HDAC9: variants seen among roughly 807,000 people sequenced by gnomAD.
HDAC9 encodes the protein MEF-2 interacting transcription repressor (MITR) protein.
A neutral mutation model predicts 139.4 loss-of-function variants in HDAC9; 41 were observed. The ratio of observed to expected loss-of-function variants is 0.29; its 90% confidence interval spans 0.23 to 0.38. HDAC9 has a LOEUF of 0.38. HDAC9 is among the 10% of genes least tolerant of loss of function. HDAC9 has a pLI of 1.00. For synonymous variants in HDAC9, 517 were observed against 476.2 expected, an observed-to-expected ratio of 1.09 and a Z score of -1.12; for missense variants, 1,147 against 1,297.0, an observed-to-expected ratio of 0.88 and a Z score of 1.78.
At chr7:18,764,618 ATTG>A (rs1179682893) in intron 15 of HDAC9, among the ~76,000 whole-genome samples, 12 of 151,258 alleles carry the variant, frequency 7.9e-5, no homozygotes, top group African/African-American at 2.4e-5. Flanking sequence ...GGCTTTTTTT[ATTG>A]TTGTTGTTGT....
rs371095806 is a variant in HDAC9 at position 18,644,806 on chromosome 7, A to G, written c.1035+13A>G. Reference sequence around the variant, plus strand: ...ATCCCAGCTCAATGTAAGTCATTGCACAGCATCAGCCTTAATCAACCTAAG... The same window carrying G: ...ATCCCAGCTCAATGTAAGTCATTGCGCAGCATCAGCCTTAATCAACCTAAG... On this transcript the variant is annotated intron_variant, in intron 9 of 25. Transcript: ENST00000686413. The G allele has an allele frequency of 6.2e-7, 1 of 1,608,246 alleles. No homozygotes were observed. The highest frequency in any genetic ancestry group is 1.3e-5 in the African/African-American group (1 of 74,664).
intron 16 of HDAC9, among the ~76,000 whole-genome samples, chr7:18,771,297 C>A (rs1790269289): frequency 6.6e-6 from 1 of 152,020 alleles, no homozygotes; most frequent in Non-Finnish European, 1.5e-5. Context: ...ATCTGACACA[C>A]TTAGGAATGT....
intron 16 of HDAC9, among the ~76,000 whole-genome samples, chr7:18,771,248 G>A (rs144386635): frequency 6.7e-4 from 102 of 152,142 alleles, no homozygotes; most frequent in African/African-American, 2.2e-3. Flanking sequence ...TTTTTATTAC[G>A]ACTTTTACTC....
At chr7:18,329,550 C>T (rs1314604240) in intron 1 of HDAC9, among the ~76,000 whole-genome samples, 1 of 149,318 alleles carries the variant, frequency 6.7e-6, no homozygotes, top group African/African-American at 2.5e-5. Flanking sequence ...GAAATGTCAT[C>T]TCTCCAAAAA....
chr7:18,589,489 GTGCCAC>G (rs1448041803), intron 3 of HDAC9, among the ~76,000 whole-genome samples: 1 of 152,094 alleles, frequency 6.6e-6, no homozygotes. Flanking sequence ...AGCTATAATG[GTGCCAC>G]TGCAATCCAG....
chr7:18,575,175 C>T (rs922975734), intron 2 of HDAC9, among the ~76,000 whole-genome samples: 3 of 152,234 alleles, frequency 2.0e-5, no homozygotes, highest in African/African-American at 7.2e-5. Context: ...TTCAAGACTA[C>T]ACATTTTAAT....
At chr7:18,840,561 G>A (rs1179683300) in intron 21 of HDAC9, among the ~76,000 whole-genome samples, 1 of 152,008 alleles carries the variant, frequency 6.6e-6, no homozygotes, top group East Asian at 1.9e-4. Flanking sequence ...GGTAGTATCT[G>A]TATTTAATCG....
intron 2 of HDAC9, among the ~76,000 whole-genome samples, chr7:18,285,065 C>T (rs1173258755): frequency 1.3e-5 from 2 of 151,952 alleles, no homozygotes; most frequent in Non-Finnish European, 2.9e-5. Context: ...ACTAAAATTC[C>T]AGAAGCTAAA....
At chr7:18,621,490 A>G (rs1190062263) in intron 6 of HDAC9, among the ~76,000 whole-genome samples, 1 of 152,118 alleles carries the variant, frequency 6.6e-6, no homozygotes, top group Non-Finnish European at 1.5e-5. Context: ...AAATTGGTAT[A>G]TTTGCAATAA....
At position 18,427,700 on chromosome 7, in the gene HDAC9, C is replaced by CT. The variant is rs1248522301; in HGVS notation, c.-41-68549dup. On this transcript the variant is annotated intron_variant, in intron 1 of 3. Transcript: ENST00000413509. ...CCCTGGACACAGTTTCTTTCTTCTT[C>CT]TTTTTTTTTTTTTAAATATTTTCTT... Among the ~76,000 whole-genome samples the CT allele has an allele frequency of 6.7e-3, 965 of 143,926 alleles. 11 individuals carry two copies. The highest frequency in any genetic ancestry group is 0.02 in the African/African-American group (781 of 39,468). The allele number at this position is 143,926 out of a possible 152,430, so 94.4% of individuals were successfully genotyped here. A position where few individuals can be genotyped will look rare whatever the true frequency, so the allele number is the denominator to read the frequency against.
chr7:18,305,429 A>T (rs1294449124), intron 1 of HDAC9, among the ~76,000 whole-genome samples: 4 of 152,216 alleles, frequency 2.6e-5, no homozygotes, highest in African/African-American at 9.7e-5. Context: ...ACTAATTCTG[A>T]AAAAGGAAAA....
intron 2 of HDAC9, among the ~76,000 whole-genome samples, chr7:18,565,789 G>A (rs73309576): frequency 0.046 from 6,968 of 151,216 alleles, 529 homozygotes; most frequent in African/African-American, 0.16. Context: ...ATCTTTTTAT[G>A]TTAACCAAAA....
chr7:18,814,197 A>G (rs767166719), intron 17 of HDAC9, among the ~76,000 whole-genome samples: 2 of 152,190 alleles, frequency 1.3e-5, no homozygotes, highest in Non-Finnish European at 2.9e-5. Flanking sequence ...GCACTTTTAA[A>G]CAAAGTCCTG....
chr7:18,861,405 A>G (rs1178658093), intron 21 of HDAC9, among the ~76,000 whole-genome samples: 1 of 152,172 alleles, frequency 6.6e-6, no homozygotes. Flanking sequence ...TAATTAGATA[A>G]GAATCAGTTT....
intron 2 of HDAC9, among the ~76,000 whole-genome samples, chr7:18,520,770 C>T (rs1364810356): frequency 6.6e-6 from 1 of 152,172 alleles, no homozygotes; most frequent in African/African-American, 2.4e-5. Flanking sequence ...CTTGGTCTGA[C>T]ACCAAGCAAG....
intron 22 of HDAC9, among the ~76,000 whole-genome samples, chr7:18,920,249 C>T (rs1803574474): frequency 6.6e-6 from 1 of 152,100 alleles, no homozygotes; most frequent in South Asian, 2.1e-4. Context: ...GTTTTATTCT[C>T]TTTGAAGCAA....
intron 1 of HDAC9, among the ~76,000 whole-genome samples, chr7:18,344,207 A>G (rs1401359976): frequency 6.6e-6 from 1 of 151,904 alleles, no homozygotes; most frequent in South Asian, 2.1e-4. Context: ...TGTTTTGCAA[A>G]TGCTATGACT....
intron 21 of HDAC9, among the ~76,000 whole-genome samples, chr7:18,839,395 G>A (rs1487515636): frequency 1.3e-5 from 2 of 151,960 alleles, no homozygotes; most frequent in Non-Finnish European, 1.5e-5. Flanking sequence ...AAATACTCAG[G>A]AGTAATAAAG....
At chr7:18,527,011 G>C (rs145067038) in intron 2 of HDAC9, among the ~76,000 whole-genome samples, 1 of 152,218 alleles carries the variant, frequency 6.6e-6, no homozygotes, top group Admixed American at 6.5e-5. Flanking sequence ...AAATGATTTA[G>C]TATAGAAAAA....
Sources: gnomAD v4.1 joint callset for allele counts (sites outside exome capture counted in the v4.1 genomes callset) on GRCh38, gnomAD v4.1.1 for gene constraint, MANE v1.5 for transcripts, NCBI Gene and HGNC (gene_info 2026-07-23, HGNC 2026-07-21) for gene names.